Variants in TBCA observed in about 807,000 individuals in gnomAD.
TBCA encodes tubulin-specific chaperone A.
In TBCA, 6 loss-of-function variants were observed where a neutral mutation model predicts 15.8. That is an observed-to-expected ratio of 0.38 (90% CI 0.21 to 0.75). The LOEUF is 0.75. TBCA is among the 30% of genes least tolerant of loss of function. The pLI is 0.46. For synonymous variants in TBCA, 32 were observed against 42.3 expected (o/e 0.76, Z 0.94); for missense variants, 90 against 131.2 (o/e 0.69, Z 1.53).
chr5:77,761,843 G>A (rs777558835), intron 1 of TBCA, among the ~76,000 whole-genome samples: 2 of 152,130 alleles, frequency 1.3e-5, no homozygotes, highest in Admixed American at 1.3e-4. Context: ...TACCTCCCAA[G>A]GCCAGATGCT....
In TBCA at chr5:77,766,509, TTTA is replaced by T. The variant is rs1190990466; in HGVS notation, c.53+9693_53+9695del. Among the ~76,000 whole-genome samples the T allele has an allele frequency of 3.3e-4, 4 of 12,010 alleles. 1 individual carries two copies. The highest frequency in any genetic ancestry group is 7.7e-4 in the Non-Finnish European group (3 of 3,880). 7.9% of individuals were successfully genotyped at this position (12,010 alleles called of 152,430 possible). Reference sequence around the variant, plus strand: ...TCTCTCACTTTTATTTATTTATTTATTTATTTTTTTTTTTTTTTGAGACGGAGT... The same window carrying T: ...TCTCTCACTTTTATTTATTTATTTATTTTTTTTTTTTTTTTGAGACGGAGT... On this transcript the variant is annotated intron_variant, in intron 1 of 3. Transcript: ENST00000380377.
At chr5:77,755,303 G>T (rs1242417537) in intron 1 of TBCA, among the ~76,000 whole-genome samples, 1 of 152,194 alleles carries the variant, frequency 6.6e-6, no homozygotes, top group Non-Finnish European at 1.5e-5. Context: ...AAGAGGCCAG[G>T]CACGGTGGCT....
chr5:77,748,941 T>C (rs1747251892), intron 1 of TBCA, among the ~76,000 whole-genome samples: 2 of 152,214 alleles, frequency 1.3e-5, no homozygotes, highest in South Asian at 4.1e-4. Flanking sequence ...AAGTTTATGT[T>C]GCCTGTTTAC....
At chr5:77,731,949 G>T (rs2112469092) in intron 1 of TBCA, among the ~76,000 whole-genome samples, 1 of 152,304 alleles carries the variant, frequency 6.6e-6, no homozygotes, top group South Asian at 2.1e-4. Flanking sequence ...ATTACTGACT[G>T]TTAAGGAAGT....
At chr5:77,774,743 G>A (rs1747982457) in intron 1 of TBCA, among the ~76,000 whole-genome samples, 1 of 151,982 alleles carries the variant, frequency 6.6e-6, no homozygotes, top group Non-Finnish European at 1.5e-5. Flanking sequence ...GGCTGTCACA[G>A]GCATATCCTT....
intron 1 of TBCA, among the ~76,000 whole-genome samples, chr5:77,719,702 G>A (rs1746485420): frequency 1.3e-5 from 2 of 152,014 alleles, no homozygotes; most frequent in Admixed American, 1.3e-4. Flanking sequence ...TCAATACTAT[G>A]AATCTCAAGG....
intron 1 of TBCA, among the ~76,000 whole-genome samples, chr5:77,714,092 G>C (rs991938643): frequency 1.3e-5 from 2 of 151,718 alleles, no homozygotes; most frequent in African/African-American, 4.8e-5. Context: ...AGGTCAAGGT[G>C]GGAGGATCAC....
intron 2 of TBCA, among the ~76,000 whole-genome samples, chr5:77,696,165 T>C (rs1299535836): frequency 2.6e-5 from 4 of 152,178 alleles, no homozygotes; most frequent in African/African-American, 7.2e-5. Flanking sequence ...AGGATCCAGA[T>C]CATCCATCAG....
chr5:77,691,578 ATTAATG>A, intron 3 of TBCA, 80 bp from the exon 4 acceptor site: 1 of 1,448,718 alleles, frequency 6.9e-7, no homozygotes, highest in Non-Finnish European at 9.1e-7. Context: ...ATTACAAACC[ATTAATG>A]TTAATAACTA....
At chr5:77,745,968 C>T (rs868339484) in intron 1 of TBCA, among the ~76,000 whole-genome samples, 2 of 152,178 alleles carry the variant, frequency 1.3e-5, no homozygotes, top group African/African-American at 4.8e-5. Flanking sequence ...TGTATGCTTG[C>T]TGTTGGGTAA....
At chr5:77,697,369 C>CA (rs1235609223) in intron 2 of TBCA, among the ~76,000 whole-genome samples, 1 of 152,048 alleles carries the variant, frequency 6.6e-6, no homozygotes, top group Non-Finnish European at 1.5e-5. Flanking sequence ...CATTCTGGAT[C>CA]AAAAAACCCC....
intron 2 of TBCA, among the ~76,000 whole-genome samples, chr5:77,703,217 A>T (rs1393967007): frequency 1.3e-5 from 2 of 152,214 alleles, no homozygotes; most frequent in Non-Finnish European, 2.9e-5. Flanking sequence ...TTTGTCCAAA[A>T]ATTATACCAG....
At chr5:77,727,239 G>GAAAAAAAA (rs35477479) in intron 1 of TBCA, among the ~76,000 whole-genome samples, 10 of 81,012 alleles carry the variant, frequency 1.2e-4, no homozygotes, top group Non-Finnish European at 1.8e-4. Context: ...TCTGTCTCAG[G>GAAAAAAAA]AAAAAAAAAA....
chr5:77,758,535 T>G (rs1411407631), intron 1 of TBCA, among the ~76,000 whole-genome samples: 2 of 152,210 alleles, frequency 1.3e-5, no homozygotes, highest in Admixed American at 6.5e-5. Context: ...GACAGTAGCT[T>G]GCCGATGCTC....
chr5:77,723,760 T>C (rs763311357), intron 1 of TBCA, among the ~76,000 whole-genome samples: 16 of 151,998 alleles, frequency 1.1e-4, no homozygotes, highest in Non-Finnish European at 2.2e-4. Flanking sequence ...ACTAAGACAA[T>C]GTAGTAATAG....
intron 1 of TBCA, among the ~76,000 whole-genome samples, chr5:77,725,324 C>T (rs1350177154): frequency 6.6e-6 from 1 of 152,162 alleles, no homozygotes; most frequent in Non-Finnish European, 1.5e-5. Flanking sequence ...CAACACTGCC[C>T]CTTCTAAGAT....
intron 1 of TBCA, among the ~76,000 whole-genome samples, chr5:77,732,596 C>T (rs1411078824): frequency 2.0e-5 from 3 of 149,494 alleles, no homozygotes; most frequent in Admixed American, 6.7e-5. Flanking sequence ...TTGTGGTAAT[C>T]GTGTGTCAAA....
Position 77,776,271 on chromosome 5 carries a change from C to T in TBCA, c.-14G>A, listed in dbSNP as rs1748026621. The T allele has an allele frequency of 2.5e-6, 4 of 1,575,150 alleles. 1 individual carries two copies. ...AGGATCGGCCATGGTCCCTCGAGCGCCGCGAGAAGGAGGGGCGGAGAGCCG... is the reference window on the plus strand; with the variant it reads ...AGGATCGGCCATGGTCCCTCGAGCGTCGCGAGAAGGAGGGGCGGAGAGCCG... On this transcript the variant is annotated 5_prime_UTR_variant, in exon 1 of 4. Transcript: ENST00000380377.
intron 2 of TBCA, among the ~76,000 whole-genome samples, chr5:77,695,463 G>C (rs1395255152): frequency 1.3e-5 from 2 of 152,148 alleles, no homozygotes; most frequent in African/African-American, 4.8e-5. Flanking sequence ...ATTGCTTCAA[G>C]AAGATCATGC....
Sources: gnomAD v4.1 joint callset for allele counts (sites outside exome capture counted in the v4.1 genomes callset) on GRCh38, gnomAD v4.1.1 for gene constraint, MANE v1.5 for transcripts, NCBI Gene and HGNC (gene_info 2026-07-23, HGNC 2026-07-21) for gene names.